Variants in PCDHA11 observed in about 807,000 individuals in gnomAD.
PCDHA11 encodes protocadherin alpha-11.
PCDHA11 carries 61 observed loss-of-function variants against 70.3 expected under a neutral mutation model. The ratio of observed to expected loss-of-function variants is 0.87; its 90% CI spans 0.71 to 1.07. The LOEUF (loss-of-function observed/expected upper bound fraction) is 1.07. PCDHA11 is among the 50% of genes least tolerant of loss of function. PCDHA11 has a pLI of 0.00. For synonymous variants in PCDHA11, 633 were observed against 555.1 expected, an observed-to-expected ratio of 1.14 and a Z score of -1.97; for missense variants, 1,324 against 1,237.5, an observed-to-expected ratio of 1.07 and a Z score of -1.05.
chr5:140,891,591 A>T (rs782194139), intron 1 of PCDHA11, among the ~76,000 whole-genome samples: 1 of 152,092 alleles, frequency 6.6e-6, no homozygotes, highest in Non-Finnish European at 1.5e-5. Flanking sequence ...TTATTACTCT[A>T]TCCCATCTAT....
At chr5:141,002,557 CAGTT>C (rs2098085452) in intron 3 of PCDHA11, among the ~76,000 whole-genome samples, 1 of 152,180 alleles carries the variant, frequency 6.6e-6, no homozygotes, top group South Asian at 2.1e-4. Flanking sequence ...CAGGATCCAC[CAGTT>C]AGTGACCATG....
Position 140,988,605 on chromosome 5 carries a change from A to G in PCDHA11, c.2539+6042A>G, listed in dbSNP as rs558232011. Among the ~76,000 whole-genome samples, 7 of 152,332 alleles carry G rather than the reference A, an allele frequency of 4.6e-5. No homozygotes were observed. In the East Asian group the frequency reaches 1.2e-3, roughly 25 times the overall value. On this transcript the variant is annotated intron_variant, in intron 3 of 3. Coordinates refer to ENST00000398640, the MANE Select transcript of PCDHA11 (RefSeq NM_018902.5). ...TTCCACTTTTAATGGTCATGTAAAT[A>G]AAAGACTAGAATGGAGATGTCCTGG...
chr5:140,985,430 A>T lies in PCDHA11; in HGVS notation c.2539+2867A>T, dbSNP rs1158797076. ...GGAAATGGAGTGAGGAGGATTTATT[A>T]GTTGCTGCCTGAAGAAAAGGGAAAT... On this transcript the variant is annotated intron_variant, in intron 3 of 3. Transcript: ENST00000398640. Among the ~76,000 whole-genome samples the T allele has an allele frequency of 2.6e-5, 4 of 152,186 alleles. 1 individual carries two copies. Among genetic ancestry groups the T allele is most frequent in the Non-Finnish European group, 5.9e-5 (4 of 68,036 alleles).
intron 1 of PCDHA11, among the ~76,000 whole-genome samples, chr5:140,961,085 T>C (rs1406733516): frequency 1.3e-5 from 2 of 152,230 alleles, no homozygotes; most frequent in East Asian, 3.8e-4. Flanking sequence ...CAAGTAATTG[T>C]TGACTTTTTG....
intron 1 of PCDHA11, among the ~76,000 whole-genome samples, chr5:140,904,217 T>C (rs1554191375): frequency 6.6e-6 from 1 of 151,964 alleles, no homozygotes; most frequent in Non-Finnish European, 1.5e-5. Flanking sequence ...CCAAAGTCCA[T>C]TGTATTATAC....
chr5:140,970,751 T>G (rs2096430046), intron 1 of PCDHA11, among the ~76,000 whole-genome samples: 1 of 152,232 alleles, frequency 6.6e-6, no homozygotes, highest in African/African-American at 2.4e-5. Flanking sequence ...GCAATATATT[T>G]TCATTGACAT....
chr5:140,927,974 T>C (rs1554205324), intron 1 of PCDHA11: 3 of 1,614,098 alleles, frequency 1.9e-6, no homozygotes, highest in Non-Finnish European at 2.5e-6. Context: ...GTGATTGCTC[T>C]CTTTAGTGTA....
intron 1 of PCDHA11, among the ~76,000 whole-genome samples, chr5:140,898,149 C>T (rs552851488): frequency 4.6e-4 from 70 of 152,244 alleles, no homozygotes; most frequent in African/African-American, 1.6e-3. Flanking sequence ...TGCCTGTTCA[C>T]GCTGATGGTG....
At chr5:140,875,324 C>G in intron 1 of PCDHA11, 2 of 1,426,280 alleles carry the variant, frequency 1.4e-6, no homozygotes, top group Non-Finnish European at 1.8e-6. Flanking sequence ...CAATCATTCA[C>G]GGAATAGGAT....
intron 1 of PCDHA11, chr5:140,929,432 T>C: frequency 1.4e-6 from 2 of 1,474,372 alleles, no homozygotes; most frequent in Non-Finnish European, 1.8e-6. Flanking sequence ...TCAATTGAAC[T>C]AAACACTCCT....
At chr5:140,891,432 C>T (rs183679) in intron 1 of PCDHA11, among the ~76,000 whole-genome samples, 69,006 of 149,136 alleles carry the variant, frequency 0.46, 16,159 homozygotes, top group South Asian at 0.58. Context: ...AAGTCCCCAA[C>T]GTCCATTGTA....
In PCDHA11 at chr5:140,902,185, T is replaced by TTC. The variant is rs370111655; in HGVS notation, c.2391+30705_2391+30706dup. On this transcript the variant is annotated intron_variant, in intron 1 of 3. Transcript: ENST00000398640. ...TTCTAATTTGGATGTCCTTTATGTC[T>TTC]TCTCTCTCTCTCTCTTTCTTTTTTT... Among the ~76,000 whole-genome samples the TTC allele has an allele frequency of 1.5e-3, 225 of 150,894 alleles. 1 individual carries two copies. The highest frequency in any genetic ancestry group is 2.6e-3 in the Admixed American group (40 of 15,130).
chr5:140,945,813 C>T (rs10477097), intron 1 of PCDHA11, among the ~76,000 whole-genome samples: 2 of 152,084 alleles, frequency 1.3e-5, no homozygotes, highest in East Asian at 3.8e-4. Flanking sequence ...TTATCTCACA[C>T]TGTATACAAA....
At chr5:140,876,808 G>T in intron 1 of PCDHA11, 1 of 1,614,222 alleles carries the variant, frequency 6.2e-7, no homozygotes, top group Non-Finnish European at 8.5e-7. Flanking sequence ...CGTGGAGGTG[G>T]CCGACGTGAA....
intron 1 of PCDHA11, among the ~76,000 whole-genome samples, chr5:140,951,897 G>A (rs2094651245): frequency 6.6e-6 from 1 of 152,106 alleles, no homozygotes; most frequent in Non-Finnish European, 1.5e-5. Context: ...CTGCCTATGA[G>A]CCTGTAAAAT....
At chr5:140,923,151 T>A (rs1239888412) in intron 1 of PCDHA11, among the ~76,000 whole-genome samples, 3 of 152,108 alleles carry the variant, frequency 2.0e-5, no homozygotes, top group Non-Finnish European at 4.4e-5. Context: ...ATAAAAAAAA[T>A]TATAGAAAGA....
At chr5:140,921,131 C>T (rs532456439) in intron 1 of PCDHA11, among the ~76,000 whole-genome samples, 9 of 132,934 alleles carry the variant, frequency 6.8e-5, no homozygotes, top group Non-Finnish European at 1.1e-4. Context: ...CAGGTGCACA[C>T]CACTACACCC....
intron 1 of PCDHA11, chr5:140,877,359 C>T: frequency 1.2e-6 from 2 of 1,614,010 alleles, no homozygotes; most frequent in South Asian, 1.1e-5. Context: ...TGTACACTGG[C>T]GAGATCAGCA....
intron 1 of PCDHA11, among the ~76,000 whole-genome samples, chr5:140,952,087 C>T (rs2094684318): frequency 6.6e-6 from 1 of 152,162 alleles, no homozygotes. Context: ...CTCCATGTCT[C>T]ACATCCAGGG....
Sources: allele counts gnomAD v4.1 joint callset (sites outside exome capture counted in the v4.1 genomes callset), GRCh38; gene constraint gnomAD v4.1.1; transcripts MANE v1.5; gene names NCBI Gene and HGNC (gene_info 2026-07-23, HGNC 2026-07-21).